GGH: variants seen among roughly 807,000 people sequenced by gnomAD.
GGH encodes the protein gamma-Glu-X carboxypeptidase.
A neutral mutation model predicts 39.2 loss-of-function variants in GGH; 18 were observed. That is an observed-to-expected ratio of 0.46 (90% confidence interval 0.32 to 0.68). The LOEUF (loss-of-function observed/expected upper bound fraction) is 0.68. GGH is among the 30% of genes least tolerant of loss of function. The pLI is 0.04. For synonymous variants in GGH, 147 were observed against 138.8 expected, an observed-to-expected ratio of 1.06 and a Z score of -0.42; for missense variants, 367 against 384.1, an observed-to-expected ratio of 0.96 and a Z score of 0.37.
At chr8:63,030,279 T>C in intron 2 of GGH, 62 bp from the exon 3 acceptor site, 3 of 785,146 alleles carry the variant, frequency 3.8e-6, no homozygotes, top group Non-Finnish European at 6.7e-6. Flanking sequence ...CTAAATGAAG[T>C]CTCCACATTT....
At chr8:63,021,629 A>G (rs966230705) in intron 7 of GGH, among the ~76,000 whole-genome samples, 2 of 149,642 alleles carry the variant, frequency 1.3e-5, no homozygotes, top group African/African-American at 4.9e-5. Context: ...GGACAGGACA[A>G]TCAAGTTTTT....
Position 63,015,124 on chromosome 8 carries a change from A to G in GGH, c.*208T>C, listed in dbSNP as rs544033285. The G allele has an allele frequency of 5.8e-6, 2 of 344,338 alleles. No individual in the cohort carries two copies. The highest frequency in any genetic ancestry group is 8.8e-5 in the East Asian group (2 of 22,606). 21.3% of individuals were successfully genotyped at this position (344,338 alleles called of 1,614,324 possible). A position where few individuals can be genotyped will look rare whatever the true frequency, so the allele number is the denominator to read the frequency against. On this transcript the variant is annotated 3_prime_UTR_variant, in exon 9 of 9. Transcript: ENST00000260118. ...TTTTTTTCAATCTTCAGATATAAGA[A>G]GGCTTTTCCATGAAAAACACTCTAT...
At position 63,027,162 on chromosome 8, in the gene GGH, A is replaced by C; in HGVS notation, c.360+19T>G. 9.0e-7 allele frequency: 1 copy of C among 1,112,650 alleles called. No individual in the cohort carries two copies. Among genetic ancestry groups the C allele is most frequent in the South Asian group, 1.2e-5 (1 of 80,490 alleles). 68.9% of individuals were successfully genotyped at this position (1,112,650 alleles called of 1,614,324 possible). On this transcript the variant is annotated intron_variant, in intron 4 of 8. Coordinates refer to ENST00000260118, the MANE Select transcript of GGH (RefSeq NM_003878.3). Reference sequence around the variant, plus strand: ...TTACAGAAACCCATCTGGAATAATAAGCAATAACTGATATTTACCTGTATG... The same window carrying C: ...TTACAGAAACCCATCTGGAATAATACGCAATAACTGATATTTACCTGTATG...
At chr8:63,019,890 G>A (rs541841744) in intron 7 of GGH, among the ~76,000 whole-genome samples, 1 of 152,224 alleles carries the variant, frequency 6.6e-6, no homozygotes, top group East Asian at 1.9e-4. Flanking sequence ...AATCTTTAAA[G>A]GGCACTCATT....
At chr8:63,017,264 G>A (rs962467052) in intron 8 of GGH, 4 of 418,728 alleles carry the variant, frequency 9.6e-6, no homozygotes, top group Non-Finnish European at 1.7e-5. Context: ...CAAGAATTCT[G>A]CCCACTGAAG....
chr8:63,023,797 C>T, intron 7 of GGH, 110 bp downstream of exon 7: 4 of 750,292 alleles, frequency 5.3e-6, no homozygotes, highest in African/African-American at 1.8e-5. Context: ...AATGCCCTAA[C>T]ACCCCTCTTC....
chr8:63,031,031 A>C (rs963801175), intron 2 of GGH, among the ~76,000 whole-genome samples: 1 of 152,222 alleles, frequency 6.6e-6, no homozygotes, highest in Non-Finnish European at 1.5e-5. Context: ...ACTCTCCCAC[A>C]TTTAGCAGCC....
At chr8:63,034,088 C>T (rs1229152481) in intron 2 of GGH, among the ~76,000 whole-genome samples, 2 of 148,822 alleles carry the variant, frequency 1.3e-5, no homozygotes, top group Admixed American at 6.7e-5. Context: ...GCACTAACAT[C>T]CCAGAAGAAC....
At chr8:63,019,630 G>C (rs1804550251) in intron 7 of GGH, among the ~76,000 whole-genome samples, 1 of 152,220 alleles carries the variant, frequency 6.6e-6, no homozygotes, top group African/African-American at 2.4e-5. Context: ...AAGGCATTTT[G>C]CTTGTTGATT....
intron 7 of GGH, 49 bp downstream of exon 7, chr8:63,023,858 T>A: frequency 7.9e-7 from 1 of 1,259,608 alleles, no homozygotes; most frequent in Non-Finnish European, 1.0e-6. Context: ...AATCAAAATT[T>A]AAAAATATAA....
At chr8:63,017,347 TTATTTAACATTTG>T (rs1256475941) in intron 8 of GGH, 133 bp downstream of exon 8, 1 of 542,634 alleles carries the variant, frequency 1.8e-6, no homozygotes, top group Non-Finnish European at 3.2e-6. Flanking sequence ...GGCTTTCACA[TTATTTAACATTTG>T]TATTATTCTT....
At chr8:63,038,600 G>GGGGCCCCCCCCCCCCCCCCCCCCCCCC in intron 1 of GGH, 60 bp downstream of exon 1, 1 of 883,528 alleles carries the variant, frequency 1.1e-6, no homozygotes. Flanking sequence ...GCGGCGGGAG[G>GGGGCCCCCCCCCCCCCCCCCCCCCCCC]CGCCCAGCGC....
At chr8:63,030,122 T>C (rs760617936) in intron 3 of GGH, 45 bp downstream of exon 3, 4 of 834,538 alleles carry the variant, frequency 4.8e-6, no homozygotes, top group Non-Finnish European at 8.2e-6. Flanking sequence ...AGCAGACATA[T>C]GTAGACCACT....
Position 63,035,722 on chromosome 8 carries a change from C to G in GGH, c.158G>C (p.Arg53Thr). 6.2e-7 allele frequency: 1 copy of G among 1,613,308 alleles called. No homozygotes were observed. The highest frequency in any genetic ancestry group is 8.5e-7 in the Non-Finnish European group (1 of 1,179,884). ...TACATAGGACGCAGCAATATAGTAT[C>G]TTCCATAGTTTTTCATGACTTTATT... is the stretch of plus-strand genomic sequence containing the variant. Reference protein sequence around the residue: ...CRNKVMKNYGRYYIAASYVKY... With the variant: ...CRNKVMKNYGTYYIAASYVKY... The change falls in exon 2 of 9, where the codon AGA (arginine) becomes ACA (threonine). Residue 53 changes from arginine (R) to threonine (T), a missense_variant. Transcript: ENST00000260118.
At chr8:63,018,369 A>G (rs998667350) in intron 7 of GGH, among the ~76,000 whole-genome samples, 4 of 128,800 alleles carry the variant, frequency 3.1e-5, no homozygotes, top group Non-Finnish European at 7.2e-5. Context: ...ATTTTGATTT[A>G]AAAAAAACAA....
chr8:63,028,542 G>A (rs997930377), intron 3 of GGH: 3 of 152,066 alleles, frequency 2.0e-5, no homozygotes, highest in Non-Finnish European at 4.4e-5. Flanking sequence ...GCATAACAGT[G>A]ACTCAATAAA....
rs1036643897 is a variant in GGH, at chr8:63,015,110, C to T, written c.*222G>A. On this transcript the variant is annotated 3_prime_UTR_variant, in exon 9 of 9. Transcript: ENST00000260118. ...TTTCAGTAAATTTATTTTTTTCAAT[C>T]TTCAGATATAAGAAGGCTTTTCCAT... 5.0e-5 allele frequency: 16 copies of T among 317,882 alleles called. No individual in the cohort carries two copies. Among genetic ancestry groups the T allele is most frequent in the African/African-American group, 8.5e-5 (4 of 46,908 alleles). 19.7% of individuals were successfully genotyped at this position (317,882 alleles called of 1,614,324 possible).
chr8:63,033,876 G>A (rs982501267), intron 2 of GGH, among the ~76,000 whole-genome samples: 5 of 151,394 alleles, frequency 3.3e-5, no homozygotes, highest in Non-Finnish European at 7.4e-5. Context: ...TGTGGTATTT[G>A]GTTTTCTGTT....
chr8:63,035,935 G>C (rs1412990332), intron 1 of GGH, among the ~76,000 whole-genome samples, 165 bp from the exon 2 acceptor site: 2 of 152,242 alleles, frequency 1.3e-5, no homozygotes, highest in East Asian at 3.9e-4. Flanking sequence ...AGCAGCAGGG[G>C]AGGCTGATCT....
Sources: allele counts gnomAD v4.1 joint callset (sites outside exome capture counted in the v4.1 genomes callset), GRCh38; gene constraint gnomAD v4.1.1; transcripts MANE v1.5; gene names NCBI Gene and HGNC (gene_info 2026-07-23, HGNC 2026-07-21).